The following NABP1 variants were observed in gnomAD, a reference collection of about 807,000 sequenced individuals.
The protein encoded by NABP1 is SOSS complex subunit B2.
Under a neutral mutation model 25.0 loss-of-function variants are expected in NABP1, and 18 were observed. The ratio of observed to expected loss-of-function variants is 0.72; its 90% CI spans 0.50 to 1.07. The LOEUF is 1.07. NABP1 is among the 50% of genes least tolerant of loss of function. The pLI is 0.00. For synonymous variants in NABP1, 71 were observed against 85.0 expected, an observed-to-expected ratio of 0.84 and a Z score of 0.91; for missense variants, 270 against 255.6, an observed-to-expected ratio of 1.06 and a Z score of -0.39.
In NABP1 at chr2:191,686,644, G is replaced by C. The variant is rs1390645457; in HGVS notation, c.*876G>C. On this transcript the variant is annotated 3_prime_UTR_variant, in exon 6 of 6. Coordinates refer to ENST00000425611, the MANE Select transcript of NABP1 (RefSeq NM_001031716.5). ...TAGTAACATGCAGTCTGAAGTCCTA[G>C]TTACTTAATAGGTACTCAGCCTGGA... 6.6e-6 allele frequency: 1 copy of C among 152,188 alleles called. No homozygotes were observed. Among genetic ancestry groups the C allele is most frequent in the Non-Finnish European group, 1.5e-5 (1 of 68,034 alleles). 9.4% of individuals were successfully genotyped at this position (152,188 alleles called of 1,614,324 possible). A position where few individuals can be genotyped will look rare whatever the true frequency, so the allele number is the denominator to read the frequency against.
At chr2:191,684,595 A>T (rs1687769683) in intron 5 of NABP1, among the ~76,000 whole-genome samples, 1 of 152,038 alleles carries the variant, frequency 6.6e-6, no homozygotes, top group Non-Finnish European at 1.5e-5. Flanking sequence ...ATTACTGGTT[A>T]TTTTGGTGCA....
chr2:191,678,418 T>A lies in NABP1; in HGVS notation c.-197T>A. 1 of 296,894 alleles carries A rather than the reference T, an allele frequency of 3.4e-6. No homozygotes were observed. The highest frequency in any genetic ancestry group is 6.1e-6 in the Non-Finnish European group (1 of 162,980). The allele number at this position is 296,894 out of a possible 1,614,324, so 18.4% of individuals were successfully genotyped here. On this transcript the variant is annotated 5_prime_UTR_variant, in exon 1 of 6. Coordinates refer to ENST00000425611, the MANE Select transcript of NABP1 (RefSeq NM_001031716.5). ...ACTTGTGAGCCTTTTTTTTTTTTTT[T>A]TTTTTTTTTCTTTTTTTAGGCTCAG...
In NABP1 at chr2:191,682,018, G is replaced by GT; in HGVS notation, c.302+2dup. On this transcript the variant is annotated splice_donor_variant, in intron 3 of 5. Transcript: ENST00000425611. LOFTEE classifies it high-confidence loss of function. The stretch of plus-strand genomic sequence containing the variant: ...GTGGTGAACTTCAAAAAATTGGGGA[G>GT]TAAGTATTAAAATGCATTTTGTATA... 1 of 1,474,416 alleles carries GT rather than the reference G, an allele frequency of 6.8e-7. No individual in the cohort carries two copies. Among genetic ancestry groups the GT allele is most frequent in the East Asian group, 2.6e-5 (1 of 38,768 alleles). The allele number at this position is 1,474,416 out of a possible 1,614,324, so 91.3% of individuals were successfully genotyped here. A position where few individuals can be genotyped will look rare whatever the true frequency, so the allele number is the denominator to read the frequency against.
chr2:191,682,779 T>A (rs1687723202), intron 3 of NABP1: 1 of 237,698 alleles, frequency 4.2e-6, no homozygotes, highest in Non-Finnish European at 8.7e-6. Flanking sequence ...AGGAAAACTG[T>A]TTGCCACTGA....
intron 3 of NABP1, chr2:191,682,845 A>G: frequency 3.8e-6 from 1 of 263,564 alleles, no homozygotes; most frequent in Non-Finnish European, 7.6e-6. Flanking sequence ...AAAAGAAATG[A>G]TCATGCTAGC....
rs1363731755 is a variant in NABP1, at chr2:191,686,191, CAAG to C, written c.*426_*428del. The C allele has an allele frequency of 6.5e-6, 1 of 153,278 alleles. No homozygotes were observed. The highest frequency in any genetic ancestry group is 2.4e-5 in the African/African-American group (1 of 41,448). The allele number at this position is 153,278 out of a possible 1,614,324, so 9.5% of individuals were successfully genotyped here. On this transcript the variant is annotated 3_prime_UTR_variant, in exon 6 of 6. Coordinates refer to ENST00000425611, the MANE Select transcript of NABP1 (RefSeq NM_001031716.5). ...CTAAAGCAATAACCATCAAAAAACA[CAAG>C]AACTTGTCAATGCTAGCAGTAATTT...
chr2:191,678,426 T>TG lies in NABP1; in HGVS notation c.-189_-188insG. ...GCCTTTTTTTTTTTTTTTTTTTTTT[T>TG]TCTTTTTTTAGGCTCAGTGCTGTCC... is the stretch of plus-strand genomic sequence containing the variant. On this transcript the variant is annotated 5_prime_UTR_variant, in exon 1 of 6. Transcript: ENST00000425611. 1 of 273,826 alleles carries TG rather than the reference T, an allele frequency of 3.7e-6. No individual in the cohort carries two copies. The allele number at this position is 273,826 out of a possible 1,614,324, so 17.0% of individuals were successfully genotyped here. A position where few individuals can be genotyped will look rare whatever the true frequency, so the allele number is the denominator to read the frequency against.
At chr2:191,682,930 TAG>T in intron 3 of NABP1, 2 of 219,592 alleles carry the variant, frequency 9.1e-6, no homozygotes, top group South Asian at 6.1e-5. Context: ...GTAGCATTAA[TAG>T]AGTTATGTGT....
At position 191,680,684 on chromosome 2, in the gene NABP1, G is replaced by C. The variant is rs1687663751; in HGVS notation, c.231-1262G>C. ...AATTATTGGAAAATTAAACTTATTA[G>C]TTAGGTACTATAGAATTTTAAGGGG... is the stretch of plus-strand genomic sequence containing the variant. On this transcript the variant is annotated intron_variant, in intron 2 of 5. Transcript: ENST00000425611. Among the ~76,000 whole-genome samples the C allele has an allele frequency of 4.6e-5, 7 of 152,120 alleles. No homozygotes were observed. In the South Asian group the frequency reaches 1.4e-3, roughly 32 times the overall value.
At chr2:191,678,811 T>G in intron 1 of NABP1, 106 bp downstream of exon 1, 1 of 519,912 alleles carries the variant, frequency 1.9e-6, no homozygotes. Context: ...CTCCCTCCCC[T>G]CCCCCACCCA....
intron 2 of NABP1, among the ~76,000 whole-genome samples, chr2:191,679,714 T>C (rs1687620745): frequency 6.6e-6 from 1 of 152,238 alleles, no homozygotes; most frequent in East Asian, 1.9e-4. Context: ...TGAGTCTTTT[T>C]AGGAGACTGG....
rs375270630 is a variant in NABP1, at chr2:191,685,620, C to G, written c.467C>G (p.Pro156Arg). Residue 156 changes from proline (P) to arginine (R), a missense_variant, in exon 6 of 6, where the codon CCT becomes CGT. Pro to Arg is a moderately radical substitution (Grantham distance 103, BLOSUM62 -2). Transcript: ENST00000425611. Reference sequence around the variant, plus strand: ...TTAGGAAATGGTGTTCACACTGGCCCTGAATCAAGGGAACACCAGTTTTCA... The same window carrying G: ...TTAGGAAATGGTGTTCACACTGGCCGTGAATCAAGGGAACACCAGTTTTCA... Reference protein sequence around the residue: ...GPVGNGVHTGPESREHQFSHA... With the variant: ...GPVGNGVHTGRESREHQFSHA... The G allele has an allele frequency of 2.2e-5, 35 of 1,613,154 alleles. No homozygotes were observed. Among genetic ancestry groups the G allele is most frequent in the Non-Finnish European group, 2.9e-5 (34 of 1,179,620 alleles).
At chr2:191,684,474 A>G (rs528836335) in intron 5 of NABP1, among the ~76,000 whole-genome samples, 178 bp downstream of exon 5, 7 of 152,306 alleles carry the variant, frequency 4.6e-5, no homozygotes, top group African/African-American at 1.2e-4. Flanking sequence ...AAGCCAGTTT[A>G]TTGAGAATTC....
At position 191,681,452 on chromosome 2, in the gene NABP1, G is replaced by GT. The variant is rs963972233; in HGVS notation, c.231-486dup. Reference sequence around the variant, plus strand: ...ATAGGTGAAGCTTTGTGACCTTAGTGTTTTTTTTAGCACTTTGAAATTCTA... The same window carrying GT: ...ATAGGTGAAGCTTTGTGACCTTAGTGTTTTTTTTTAGCACTTTGAAATTCTA... On this transcript the variant is annotated intron_variant, in intron 2 of 5. Coordinates refer to ENST00000425611, the MANE Select transcript of NABP1 (RefSeq NM_001031716.5). Among the ~76,000 whole-genome samples, 16 of 151,894 alleles carry GT rather than the reference G, an allele frequency of 1.1e-4. No homozygotes were observed. The South Asian group carries it at 1.5e-3, about 14-fold the overall frequency.
chr2:191,686,779 CAAA>C lies in NABP1; in HGVS notation c.*1012_*1014del, dbSNP rs1436765789. On this transcript the variant is annotated 3_prime_UTR_variant, in exon 6 of 6. Transcript: ENST00000425611. ...CAAAAGTTTTAAGAAATGGCTCTAT[CAAA>C]GAAGCAATTGCAGCTTTATTCAGAA... The C allele has an allele frequency of 2.6e-5, 4 of 152,690 alleles. No homozygotes were observed. The East Asian group carries it at 7.7e-4, about 29-fold the overall frequency. 9.5% of individuals were successfully genotyped at this position (152,690 alleles called of 1,614,324 possible). A position where few individuals can be genotyped will look rare whatever the true frequency, so the allele number is the denominator to read the frequency against.
At chr2:191,684,165 A>G (rs779650803) in intron 4 of NABP1, 65 bp from the exon 5 acceptor site, 243 of 1,029,578 alleles carry the variant, frequency 2.4e-4, no homozygotes, top group Non-Finnish European at 3.1e-4. Context: ...AAAGGATATA[A>G]TAATGTTGTA....
Position 191,678,497 on chromosome 2 carries a change from C to T in NABP1, c.-118C>T, listed in dbSNP as rs3194744. On this transcript the variant is annotated 5_prime_UTR_variant, in exon 1 of 6. Transcript: ENST00000425611. ...TGACTAACGGCTTTCTGCCCCTTCT[C>T]TCGCCACCCCTGCCCAAGGTCGCCC... is the stretch of plus-strand genomic sequence containing the variant. 2.0e-6 allele frequency: 1 copy of T among 505,410 alleles called. No individual in the cohort carries two copies. The highest frequency in any genetic ancestry group is 3.4e-6 in the Non-Finnish European group (1 of 293,932). 31.3% of individuals were successfully genotyped at this position (505,410 alleles called of 1,614,324 possible). A position where few individuals can be genotyped will look rare whatever the true frequency, so the allele number is the denominator to read the frequency against.
chr2:191,679,164 T>C (rs1687597729), intron 2 of NABP1, 36 bp downstream of exon 2: 1 of 1,613,066 alleles, frequency 6.2e-7, no homozygotes, highest in South Asian at 1.1e-5. Context: ...CCTAACAGTC[T>C]GCAGAATCGG....
Position 191,678,624 on chromosome 2 carries a change from G to T in NABP1, c.10G>T (p.Val4Phe). 6.2e-7 allele frequency: 1 copy of T among 1,612,776 alleles called. No homozygotes were observed. Among genetic ancestry groups the T allele is most frequent in the Non-Finnish European group, 8.5e-7 (1 of 1,179,386 alleles). ...CCGCGCCTGTCCCAATATGAATAGG[G>T]TCAACGACCCACTTATTTTTATAAG... MNR[V>F]NDPLIFIRDI... Residue 4 changes from valine (V) to phenylalanine (F), a missense_variant, in exon 1 of 6, where the codon GTC (valine) becomes TTC (phenylalanine). Val to Phe is a conservative substitution (Grantham distance 50). Transcript: ENST00000425611.
Sources: gnomAD v4.1 joint callset for allele counts (sites outside exome capture counted in the v4.1 genomes callset) on GRCh38, gnomAD v4.1.1 for gene constraint, MANE v1.5 for transcripts, NCBI Gene and HGNC (gene_info 2026-07-23, HGNC 2026-07-21) for gene names.